PER1: variants seen among roughly 807,000 people sequenced by gnomAD.
PER1 encodes the protein period circadian regulator 1, also known as period circadian protein homolog 1.
A neutral mutation model predicts 125.9 loss-of-function variants in PER1; 87 were observed. That is an observed-to-expected ratio of 0.69 (90% CI 0.58 to 0.83). PER1 has a LOEUF of 0.83. PER1 is among the 40% of genes least tolerant of loss of function. The pLI, the probability that PER1 is intolerant of heterozygous loss-of-function variation, is 0.00. For synonymous variants in PER1, 801 were observed against 714.7 expected (o/e 1.12, Z -1.93); for missense variants, 1,775 against 1,722.8 (o/e 1.03, Z -0.54).
In PER1 at chr17:8,148,194, C is replaced by T. The variant is rs770665478; in HGVS notation, c.1114G>A (p.Asp372Asn). 1.5e-4 allele frequency: 249 copies of T among 1,614,092 alleles called. 2 individuals carry two copies. In the East Asian group the frequency reaches 5.1e-3, roughly 33 times the overall value. Reference sequence around the variant, plus strand: ...TCCTATCCTCACCTTTCATCCACATCCTGGAAGAGGCAGCTGGGTGTGTGC... The same window carrying T: ...TCCTATCCTCACCTTTCATCCACATTCTGGAAGAGGCAGCTGGGTGTGTGC... ...TRHTPSCLFQ[D>N]VDERAAPLLG... The change falls in exon 9 of 23, where the codon GAT (aspartate) becomes AAT (asparagine). Residue 372 changes from aspartate (D) to asparagine (N), a missense_variant. Coordinates refer to ENST00000317276, the MANE Select transcript of PER1 (RefSeq NM_002616.3).
chr17:8,145,936 C>T lies in PER1; in HGVS notation c.2218+22G>A, dbSNP rs769649798. The T allele has an allele frequency of 9.6e-6, 15 of 1,569,434 alleles. No individual in the cohort carries two copies. In the South Asian group the frequency reaches 9.6e-5, roughly 10 times the overall value. ...GGAGACCGGTGGAGCCCAAGCACTGCCCCCCAATTCCACACCCATACCCGA... is the reference window on the plus strand; with the variant it reads ...GGAGACCGGTGGAGCCCAAGCACTGTCCCCCAATTCCACACCCATACCCGA... On this transcript the variant is annotated intron_variant, in intron 17 of 22. Coordinates refer to ENST00000317276, the MANE Select transcript of PER1 (RefSeq NM_002616.3).
Position 8,140,748 on chromosome 17 carries a change from T to G in PER1, c.*320A>C. The G allele has an allele frequency of 3.2e-6, 1 of 314,778 alleles. No individual in the cohort carries two copies. The highest frequency in any genetic ancestry group is 6.0e-6 in the Non-Finnish European group (1 of 167,126). The allele number at this position is 314,778 out of a possible 1,614,324, so 19.5% of individuals were successfully genotyped here. ...TAAGTGCAGCCCCAACCCTCAAGAG[T>G]CAGATTCAGGCTCAGCTGGAATATG... On this transcript the variant is annotated 3_prime_UTR_variant, in exon 23 of 23. Transcript: ENST00000317276.
rs773413916 is a variant in PER1, at chr17:8,149,661, A to T, written c.654T>A (p.Asp218Glu). The change falls in exon 6 of 23, where the codon GAT becomes GAA. Residue 218 changes from aspartate (D) to glutamate (E), a missense_variant and splice_region_variant. Asp to Glu is a conservative substitution (Grantham distance 45). Coordinates refer to ENST00000317276, the MANE Select transcript of PER1 (RefSeq NM_002616.3). ...GGAAGGAGACAGCCACTGAGAAGGT[A>T]TCCTGGCAGGAGGGGGAGAGCAAGA... ...ITSEYTLQNQDTFSVAVSFLT... is the reference protein window; with the variant it reads ...ITSEYTLQNQETFSVAVSFLT... 3.7e-6 allele frequency: 6 copies of T among 1,609,656 alleles called. No individual in the cohort carries two copies. In the African/African-American group the frequency reaches 6.7e-5, roughly 18 times the overall value.
rs1982041837 is a variant in PER1, at chr17:8,140,944, C to T, written c.*124G>A. 8.7e-6 allele frequency: 10 copies of T among 1,150,202 alleles called. No individual in the cohort carries two copies. The highest frequency in any genetic ancestry group is 1.5e-5 in the South Asian group (1 of 67,512). The allele number at this position is 1,150,202 out of a possible 1,614,324, so 71.2% of individuals were successfully genotyped here. A position where few individuals can be genotyped will look rare whatever the true frequency, so the allele number is the denominator to read the frequency against. On this transcript the variant is annotated 3_prime_UTR_variant, in exon 23 of 23. Transcript: ENST00000317276. ...TAGGCTGGTGATGGGGGTCCGGCCC[C>T]CTATGGTGGGAGAAGCTGGGGCAGT...
intron 17 of PER1, among the ~76,000 whole-genome samples, 163 bp downstream of exon 17, chr17:8,145,795 G>A (rs1281607646): frequency 1.3e-5 from 2 of 152,218 alleles, no homozygotes; most frequent in Non-Finnish European, 2.9e-5. Context: ...AAGCCGAGAA[G>A]CCTGGCAGGG....
intron 7 of PER1, 46 bp downstream of exon 7, chr17:8,149,212 AC>A (rs1567537425): frequency 1.9e-5 from 7 of 365,008 alleles, no homozygotes; most frequent in Non-Finnish European, 3.1e-5. Context: ...AAAAACAAAA[AC>A]AAAAAAAAAA....
Position 8,145,001 on chromosome 17 carries a change from G to C in PER1, c.2219-8C>G. ...CCTCCATCATGATGATGTCTGAGGA[G>C]AGTGAGATAGGGAAAGGTCATCAGA... On this transcript the variant is annotated splice_region_variant and splice_polypyrimidine_tract_variant and intron_variant, in intron 17 of 22. Coordinates refer to ENST00000317276, the MANE Select transcript of PER1 (RefSeq NM_002616.3). The C allele has an allele frequency of 6.8e-7, 1 of 1,461,538 alleles. No homozygotes were observed. The highest frequency in any genetic ancestry group is 9.1e-7 in the Non-Finnish European group (1 of 1,104,664). 90.5% of individuals were successfully genotyped at this position (1,461,538 alleles called of 1,614,324 possible). A position where few individuals can be genotyped will look rare whatever the true frequency, so the allele number is the denominator to read the frequency against.
rs761265167 is a variant in PER1 at position 8,143,290 on chromosome 17, C to T, written c.3048G>A (p.Glu1016=). 3.4e-5 allele frequency: 54 copies of T among 1,570,774 alleles called. No individual in the cohort carries two copies. The highest frequency in any genetic ancestry group is 4.6e-5 in the Non-Finnish European group (53 of 1,157,926). Residue 1016 remains glutamate (E), a synonymous_variant, in exon 19 of 23, where the codon GAG becomes GAA. Coordinates refer to ENST00000317276, the MANE Select transcript of PER1 (RefSeq NM_002616.3). ...SSAGPPPPSA[E]AAEPEARLAE... The stretch of plus-strand genomic sequence containing the variant: ...CCAGTCTGGCCTCTGGCTCAGCAGC[C>T]TCCGCACTGGGAGGTGGGGGCCCGG...
Position 8,141,102 on chromosome 17 carries a change from G to A in PER1, c.3839C>T (p.Pro1280Leu), listed in dbSNP as rs747795599. The A allele has an allele frequency of 1.2e-5, 19 of 1,613,980 alleles. No homozygotes were observed. Among genetic ancestry groups the A allele is most frequent in the Non-Finnish European group, 1.6e-5 (19 of 1,179,986 alleles). Residue 1280 changes from proline (P) to leucine (L), a missense_variant, in exon 23 of 23, where the codon CCA becomes CTA. By Grantham distance (98) the Pro-to-Leu change is moderately conservative. Transcript: ENST00000317276. ...GCAGTTTCCTGCTGTAGGTAAGGCT[G>A]GACTGGATGAGCTCCTGCCTTCTTC... ...EEEEGRSSSS[P>L]ALPTAGNCTS
Position 8,149,768 on chromosome 17 carries a change from G to C in PER1, c.638C>G (p.Thr213Arg). 1.2e-6 allele frequency: 2 copies of C among 1,612,962 alleles called. No individual in the cohort carries two copies. Among genetic ancestry groups the C allele is most frequent in the Non-Finnish European group, 1.7e-6 (2 of 1,180,014 alleles). The change falls in exon 5 of 23, where the codon ACA (threonine) becomes AGA (arginine). Residue 213 changes from threonine (T) to arginine (R), a missense_variant. Physicochemically the swap from Thr to Arg is moderately conservative, Grantham distance 71. Coordinates refer to ENST00000317276, the MANE Select transcript of PER1 (RefSeq NM_002616.3). Reference protein sequence around the residue: ...EELEHITSEYTLQNQDTFSVA... With the variant: ...EELEHITSEYRLQNQDTFSVA... ...GCCGCCGCTGACCTGGTTCTGAAGT[G>C]TGTACTCAGACGTGATGTGCTCCAG...
rs1982470524 is a variant in PER1 at position 8,146,720 on chromosome 17, T to A, written c.1781A>T (p.Asp594Val). 2 of 1,613,646 alleles carry A rather than the reference T, an allele frequency of 1.2e-6. No individual in the cohort carries two copies. The highest frequency in any genetic ancestry group is 2.7e-5 in the African/African-American group (2 of 74,902). ...KAKALPCQSP[D>V]PELEAGSAPV... is the part of the protein sequence containing the mutation. The stretch of plus-strand genomic sequence containing the variant: ...AGCAGAACCCGCCTCCAGCTCTGGG[T>A]CTGGGGATTGGCAGGGAAGGGCCTT... The change falls in exon 15 of 23, where the codon GAC becomes GTC. Residue 594 changes from aspartate to valine, a missense_variant. Physicochemically the swap from Asp to Val is radical, Grantham distance 152. Transcript: ENST00000317276.
rs143185561 is a variant in PER1 at position 8,141,891 on chromosome 17, G to A, written c.3514C>T (p.Arg1172Trp). ...RLRAMQKQQPRFSEDQRRELG... is the reference protein window; with the variant it reads ...RLRAMQKQQPWFSEDQRRELG... Reference sequence around the variant, plus strand: ...TCCCGCCGCTGGTCCTCAGAAAACCGAGGCTGCTGCTTCTGCATGGCTCGG... The same window carrying A: ...TCCCGCCGCTGGTCCTCAGAAAACCAAGGCTGCTGCTTCTGCATGGCTCGG... Residue 1172 changes from arginine to tryptophan, a missense_variant, in exon 22 of 23, where the codon CGG (arginine) becomes TGG (tryptophan). Transcript: ENST00000317276. The A allele has an allele frequency of 5.0e-6, 8 of 1,614,026 alleles. No homozygotes were observed. The highest frequency in any genetic ancestry group is 4.5e-5 in the East Asian group (2 of 44,892).
Position 8,143,952 on chromosome 17 carries a change from G to A in PER1, c.2462-76C>T, listed in dbSNP as rs1041247860. On this transcript the variant is annotated intron_variant, in intron 18 of 22. Coordinates refer to ENST00000317276, the MANE Select transcript of PER1 (RefSeq NM_002616.3). The stretch of plus-strand genomic sequence containing the variant: ...CCTGCTACCCACACTGCCCTGACAC[G>A]CTGACCAGGGAGAGGACAGGCCAAG... 5 of 1,516,164 alleles carry A rather than the reference G, an allele frequency of 3.3e-6. No homozygotes were observed. In the Admixed American group the frequency reaches 5.9e-5, roughly 18 times the overall value. The allele number at this position is 1,516,164 out of a possible 1,614,324, so 93.9% of individuals were successfully genotyped here. A position where few individuals can be genotyped will look rare whatever the true frequency, so the allele number is the denominator to read the frequency against.
chr17:8,143,672 A>T lies in PER1; in HGVS notation c.2666T>A (p.Phe889Tyr), dbSNP rs1356612671. Residue 889 changes from phenylalanine to tyrosine, a missense_variant, in exon 19 of 23, where the codon TTC (phenylalanine) becomes TAC (tyrosine). Coordinates refer to ENST00000317276, the MANE Select transcript of PER1 (RefSeq NM_002616.3). Reference protein sequence around the residue: ...AVVQPYPLPVFSPRGGPQPLP... With the variant: ...AVVQPYPLPVYSPRGGPQPLP... The stretch of plus-strand genomic sequence containing the variant: ...AGGCTGGGGGCCTCCTCGAGGAGAG[A>T]ACACTGGGAGAGGGTAGGGCTGGAC... The T allele has an allele frequency of 3.4e-6, 5 of 1,472,898 alleles. No individual in the cohort carries two copies. Among genetic ancestry groups the T allele is most frequent in the African/African-American group, 1.4e-5 (1 of 70,134 alleles). The allele number at this position is 1,472,898 out of a possible 1,614,324, so 91.2% of individuals were successfully genotyped here.
rs999186573 is a variant in PER1, at chr17:8,141,970, G to T, written c.3450-15C>A. 1.2e-6 allele frequency: 2 copies of T among 1,613,498 alleles called. No homozygotes were observed. Among genetic ancestry groups the T allele is most frequent in the African/African-American group, 1.3e-5 (1 of 75,032 alleles). ...AGGTCATGTCCCTGCCCAAGAAGGGGTTCAGAAGGCAGAGGCTGGGATCCA... is the reference window on the plus strand; with the variant it reads ...AGGTCATGTCCCTGCCCAAGAAGGGTTTCAGAAGGCAGAGGCTGGGATCCA... On this transcript the variant is annotated splice_polypyrimidine_tract_variant and intron_variant, in intron 21 of 22. Coordinates refer to ENST00000317276, the MANE Select transcript of PER1 (RefSeq NM_002616.3).
Position 8,143,478 on chromosome 17 carries a change from GGGAGTGCGAGGCA to G in PER1, c.2847_2859del (p.Ala950LeufsTer168), listed in dbSNP as rs756604384. ...GCGAGGGCGGGCAAGGATGGAGAAG[GGGAGTGCGAGGCA>G]GGAGTGGGAGGCCCTTCAGCAGGGG... On this transcript the variant is annotated frameshift_variant, in exon 19 of 23. Coordinates refer to ENST00000317276, the MANE Select transcript of PER1 (RefSeq NM_002616.3). LOFTEE classifies it high-confidence loss of function. 6.3e-7 allele frequency: 1 copy of G among 1,597,374 alleles called. No individual in the cohort carries two copies. The highest frequency in any genetic ancestry group is 8.5e-7 in the Non-Finnish European group (1 of 1,170,680).
In PER1 at chr17:8,147,454, TC is replaced by T. The variant is rs1567535705; in HGVS notation, c.1497+15del. Reference sequence around the variant, plus strand: ...ACCTTTTCTCACCTCCCAGGCTCCCTCTCCGCTACTCTCACCTGCAGCAGCA... The same window carrying T: ...ACCTTTTCTCACCTCCCAGGCTCCCTTCCGCTACTCTCACCTGCAGCAGCA... On this transcript the variant is annotated intron_variant, in intron 12 of 22. Coordinates refer to ENST00000317276, the MANE Select transcript of PER1 (RefSeq NM_002616.3). The T allele has an allele frequency of 6.2e-7, 1 of 1,612,934 alleles. No homozygotes were observed. Among genetic ancestry groups the T allele is most frequent in the East Asian group, 2.2e-5 (1 of 44,854 alleles).
intron 17 of PER1, among the ~76,000 whole-genome samples, chr17:8,145,503 T>G (rs2151860265): frequency 6.6e-6 from 1 of 152,110 alleles, no homozygotes; most frequent in African/African-American, 2.4e-5. Context: ...TTTGCATTTT[T>G]AGTAGATACA....
In PER1 at chr17:8,141,858, C is replaced by A; in HGVS notation, c.3547G>T (p.Ala1183Ser). The A allele has an allele frequency of 6.2e-7, 1 of 1,614,136 alleles. No individual in the cohort carries two copies. Among genetic ancestry groups the A allele is most frequent in the South Asian group, 1.1e-5 (1 of 91,084 alleles). ...CCCTTCCGGACCCAGGAGTGCACAG[C>A]ACCCAGTTCCCGCCGCTGGTCCTCA... ...FSEDQRRELG[A>S]VHSWVRKGQL... is the part of the protein sequence containing the mutation. Residue 1183 changes from alanine (A) to serine (S), a missense_variant, in exon 22 of 23, where the codon GCT becomes TCT. Coordinates refer to ENST00000317276, the MANE Select transcript of PER1 (RefSeq NM_002616.3).
Sources: allele counts gnomAD v4.1 joint callset (sites outside exome capture counted in the v4.1 genomes callset), GRCh38; gene constraint gnomAD v4.1.1; transcripts MANE v1.5; gene names NCBI Gene and HGNC (gene_info 2026-07-23, HGNC 2026-07-21).